Variants in HOMER2 observed in about 807,000 individuals in gnomAD.
The protein encoded by HOMER2 is homer protein homolog 2.
In HOMER2, 27 loss-of-function variants were observed where a neutral mutation model predicts 47.0. The ratio of observed to expected loss-of-function variants is 0.57; its 90% CI spans 0.42 to 0.79. The LOEUF (loss-of-function observed/expected upper bound fraction) is 0.79, where lower values mean the gene tolerates loss of function less well. Ranked by LOEUF, HOMER2 falls within the 30% of genes least tolerant of loss-of-function variation. The probability of loss-of-function intolerance (pLI) is 0.00; values close to 1 mark genes in which losing one functional copy is unlikely to be tolerated. For synonymous variants in HOMER2, 161 were observed against 163.8 expected (o/e 0.98, Z 0.13); for missense variants, 443 against 435.0 (o/e 1.02, Z -0.16).
chr15:82,912,397 C>T (rs1395160320), intron 1 of HOMER2, among the ~76,000 whole-genome samples: 1 of 152,190 alleles, frequency 6.6e-6, no homozygotes, highest in Non-Finnish European at 1.5e-5. Flanking sequence ...TGAGGTTGAT[C>T]CATGTCAATA....
chr15:82,895,008 A>G (rs2052860694), intron 1 of HOMER2, among the ~76,000 whole-genome samples: 1 of 152,244 alleles, frequency 6.6e-6, no homozygotes, highest in Admixed American at 6.5e-5. Context: ...TATAAGGGCT[A>G]CTGAGTAACA....
At chr15:82,862,694 A>G (rs1043078370) in intron 4 of HOMER2, among the ~76,000 whole-genome samples, 2 of 152,214 alleles carry the variant, frequency 1.3e-5, no homozygotes, top group African/African-American at 2.4e-5. Flanking sequence ...AAGATTCAGG[A>G]AAGTTCCTGT....
chr15:82,948,407 A>G (rs2054429753), intron 1 of HOMER2, among the ~76,000 whole-genome samples: 2 of 151,830 alleles, frequency 1.3e-5, no homozygotes, highest in Middle Eastern at 6.8e-3. Flanking sequence ...AAAAAAAAAA[A>G]AAAGAATTAG....
At chr15:82,852,827 T>G (rs1434801234) in intron 6 of HOMER2, 5 of 152,664 alleles carry the variant, frequency 3.3e-5, no homozygotes, top group African/African-American at 1.2e-4. Context: ...GCCTGGCCTG[T>G]GGGCCTCTTC....
chr15:82,891,675 C>G (rs1378782949), intron 2 of HOMER2, among the ~76,000 whole-genome samples: 2 of 152,132 alleles, frequency 1.3e-5, no homozygotes, highest in African/African-American at 2.4e-5. Context: ...AAAAGTCAGA[C>G]TAGACTGCAG....
In HOMER2 at chr15:82,852,225, C is replaced by T; in HGVS notation, c.679G>A (p.Glu227Lys). The part of the protein sequence containing the change: ...KIDELEEQCS[E>K]INREKEKNTQ... ...TTCTTCTCCTTCTCTCTGTTGATCT[C>T]ACTGCATTGTTCTTCCAGCTCATCA... The change falls in exon 7 of 9, where the codon GAG (glutamate) becomes AAG (lysine). Residue 227 changes from glutamate (E) to lysine (K), a missense_variant. Physicochemically the swap from Glu to Lys is moderately conservative, Grantham distance 56. Coordinates refer to ENST00000450735, the MANE Select transcript of HOMER2 (RefSeq NM_004839.4). The T allele has an allele frequency of 1.2e-6, 2 of 1,613,908 alleles. No homozygotes were observed. The highest frequency in any genetic ancestry group is 8.5e-7 in the Non-Finnish European group (1 of 1,179,844).
intron 1 of HOMER2, among the ~76,000 whole-genome samples, chr15:82,947,267 G>C (rs567026115): frequency 7.4e-4 from 113 of 152,332 alleles, no homozygotes; most frequent in African/African-American, 1.7e-3. Flanking sequence ...TGGAACTACA[G>C]AGTCTGGTGT....
chr15:82,970,644 T>C (rs972683156), intron 1 of HOMER2, among the ~76,000 whole-genome samples: 1 of 152,246 alleles, frequency 6.6e-6, no homozygotes, highest in Admixed American at 6.5e-5. Flanking sequence ...ATAGCATTCA[T>C]GTCGAATGTA....
chr15:82,847,637 T>C (rs2051271174), downstream of HOMER2, among the ~76,000 whole-genome samples: 1 of 152,230 alleles, frequency 6.6e-6, no homozygotes, highest in Admixed American at 6.5e-5. Context: ...AACTATTCTA[T>C]GCATGTCACC....
At chr15:82,891,612 C>T (rs938564905) in intron 2 of HOMER2, among the ~76,000 whole-genome samples, 4 of 152,018 alleles carry the variant, frequency 2.6e-5, no homozygotes, top group Non-Finnish European at 4.4e-5. Flanking sequence ...TTGCCCAGCC[C>T]CTGACTCCCC....
chr15:82,849,665 C>T lies in HOMER2; in HGVS notation c.*50G>A. 1 of 1,535,390 alleles carries T rather than the reference C, an allele frequency of 6.5e-7. No homozygotes were observed. The highest frequency in any genetic ancestry group is 2.3e-5 in the East Asian group (1 of 43,216). On this transcript the variant is annotated 3_prime_UTR_variant, in exon 9 of 9. Coordinates refer to ENST00000450735, the MANE Select transcript of HOMER2 (RefSeq NM_004839.4). Reference sequence around the variant, plus strand: ...GAAGAACGTCCTAGAGCTATCTGGTCTCGCACACACGCTTGGGACTCACGG... The same window carrying T: ...GAAGAACGTCCTAGAGCTATCTGGTTTCGCACACACGCTTGGGACTCACGG...
At chr15:82,925,335 A>G (rs1444700908) in intron 1 of HOMER2, among the ~76,000 whole-genome samples, 2 of 152,176 alleles carry the variant, frequency 1.3e-5, no homozygotes, top group Non-Finnish European at 2.9e-5. Flanking sequence ...TGGTGCCTCA[A>G]CAGCCAGCCC....
intron 1 of HOMER2, among the ~76,000 whole-genome samples, chr15:82,915,985 T>C (rs1470585877): frequency 6.6e-6 from 1 of 152,256 alleles, no homozygotes; most frequent in Non-Finnish European, 1.5e-5. Context: ...TTATGTATTC[T>C]GATTGATTCT....
chr15:82,854,911 G>T, intron 5 of HOMER2, 111 bp from the exon 6 acceptor site: 1 of 1,272,646 alleles, frequency 7.9e-7, no homozygotes, highest in Non-Finnish European at 1.1e-6. Flanking sequence ...GGGGGCCCAC[G>T]CCCTCTCCCC....
chr15:82,861,203 CA>C (rs1399319542), intron 4 of HOMER2, among the ~76,000 whole-genome samples: 1 of 152,074 alleles, frequency 6.6e-6, no homozygotes, highest in Non-Finnish European at 1.5e-5. Flanking sequence ...ACCTTTAACC[CA>C]ATATCTCCAT....
chr15:82,950,869 G>C (rs1330856103), intron 1 of HOMER2, among the ~76,000 whole-genome samples: 4 of 152,116 alleles, frequency 2.6e-5, no homozygotes, highest in Non-Finnish European at 5.9e-5. Flanking sequence ...AGAACTATTT[G>C]ATCTCAACCA....
chr15:82,868,081 A>G (rs1461282630), intron 3 of HOMER2, among the ~76,000 whole-genome samples: 1 of 152,170 alleles, frequency 6.6e-6, no homozygotes, highest in Admixed American at 6.5e-5. Context: ...GGAAAATACA[A>G]TTTAGAAAAA....
At chr15:82,835,209 C>T (rs1241026654), downstream of HOMER2, 1 of 152,170 alleles carries the variant, frequency 6.6e-6, no homozygotes, top group African/African-American at 2.4e-5. Context: ...TCACTGCAAC[C>T]TCTGCCTCCT....
intron 1 of HOMER2, among the ~76,000 whole-genome samples, chr15:82,963,843 T>G (rs2151252770): frequency 6.6e-6 from 1 of 152,292 alleles, no homozygotes; most frequent in South Asian, 2.1e-4. Context: ...TTCTGCAAAT[T>G]TGGCCTTTCC....
Sources: gnomAD v4.1 joint callset for allele counts (sites outside exome capture counted in the v4.1 genomes callset) on GRCh38, gnomAD v4.1.1 for gene constraint, MANE v1.5 for transcripts, NCBI Gene and HGNC (gene_info 2026-07-23, HGNC 2026-07-21) for gene names.